The following MAST4 variants were observed in gnomAD, a reference collection of about 807,000 sequenced individuals.
The protein encoded by MAST4 is microtubule associated serine/threonine kinase family member 4.
Under a neutral mutation model 162.7 loss-of-function variants are expected in MAST4, and 89 were observed. That is an observed-to-expected ratio of 0.55 (90% CI 0.46 to 0.65). The LOEUF is 0.65. MAST4 is among the 30% of genes least tolerant of loss of function. The pLI is 0.00. For synonymous variants in MAST4, 1,479 were observed against 1,361.1 expected (o/e 1.09, Z -1.91); for missense variants, 3,153 against 3,374.0 (o/e 0.93, Z 1.62).
At chr5:66,993,078 A>G (rs965950424) in intron 4 of MAST4, among the ~76,000 whole-genome samples, 1 of 152,204 alleles carries the variant, frequency 6.6e-6, no homozygotes, top group African/African-American at 2.4e-5. Context: ...TAAAAACCCA[A>G]TAGTGGCGTT....
At chr5:67,125,501 T>A (rs1768116821) in intron 14 of MAST4, among the ~76,000 whole-genome samples, 1 of 151,922 alleles carries the variant, frequency 6.6e-6, no homozygotes, top group Non-Finnish European at 1.5e-5. Context: ...GAACATGTGG[T>A]ATTTGGTTTT....
intron 2 of MAST4, among the ~76,000 whole-genome samples, chr5:66,775,554 C>T (rs1754560059): frequency 6.6e-6 from 1 of 152,180 alleles, no homozygotes; most frequent in African/African-American, 2.4e-5. Flanking sequence ...ATCTTGGCTT[C>T]AACTTTTCTC....
At chr5:67,131,453 A>G (rs773203598) in intron 15 of MAST4, among the ~76,000 whole-genome samples, 8 of 152,122 alleles carry the variant, frequency 5.3e-5, no homozygotes, top group Non-Finnish European at 8.8e-5. Context: ...CTCAGCTGGT[A>G]AGAGGCAGAG....
At chr5:66,852,921 C>A (rs923779194) in intron 3 of MAST4, among the ~76,000 whole-genome samples, 72 of 152,148 alleles carry the variant, frequency 4.7e-4, no homozygotes, top group African/African-American at 1.7e-3. Context: ...ACTGTAGGAT[C>A]CTGTTTGAAA....
At chr5:66,681,106 C>A (rs1748301634) in intron 1 of MAST4, among the ~76,000 whole-genome samples, 1 of 152,202 alleles carries the variant, frequency 6.6e-6, no homozygotes, top group African/African-American at 2.4e-5. Context: ...ATATGCATAC[C>A]AAAGGTGCTA....
At chr5:66,806,078 A>G (rs921107894) in intron 3 of MAST4, among the ~76,000 whole-genome samples, 2 of 152,150 alleles carry the variant, frequency 1.3e-5, no homozygotes, top group Non-Finnish European at 2.9e-5. Flanking sequence ...TGACTGCACC[A>G]CTTTGCTGGG....
intron 4 of MAST4, among the ~76,000 whole-genome samples, chr5:66,904,022 T>G (rs1302699061): frequency 6.6e-6 from 1 of 152,236 alleles, no homozygotes; most frequent in African/African-American, 2.4e-5. Context: ...GTTGTTTGAT[T>G]TAGATTTTTC....
At chr5:66,684,499 T>C (rs1258987678) in intron 1 of MAST4, among the ~76,000 whole-genome samples, 1 of 152,212 alleles carries the variant, frequency 6.6e-6, no homozygotes, top group Non-Finnish European at 1.5e-5. Context: ...GGTGCCTAAA[T>C]TGCTCTGGAA....
At chr5:67,003,083 C>G (rs1364217445) in intron 4 of MAST4, among the ~76,000 whole-genome samples, 1 of 151,734 alleles carries the variant, frequency 6.6e-6, no homozygotes, top group East Asian at 1.9e-4. Context: ...CAGGGACACT[C>G]TTTTGTGTCA....
At chr5:67,008,594 G>A (rs1444173269) in intron 4 of MAST4, among the ~76,000 whole-genome samples, 2 of 152,166 alleles carry the variant, frequency 1.3e-5, no homozygotes, top group South Asian at 4.1e-4. Context: ...AATCTGTCAT[G>A]TTTTCATTTT....
chr5:67,031,295 G>A (rs959059198), intron 4 of MAST4, among the ~76,000 whole-genome samples: 3 of 152,142 alleles, frequency 2.0e-5, no homozygotes, highest in Non-Finnish European at 4.4e-5. Context: ...TGATGGCAGA[G>A]GAGGGTCGTC....
At chr5:66,775,212 T>C (rs149782864) in intron 2 of MAST4, among the ~76,000 whole-genome samples, 529 of 152,274 alleles carry the variant, frequency 3.5e-3, no homozygotes, top group Non-Finnish European at 6.3e-3. Flanking sequence ...ATGCATTTAA[T>C]GAAATGGCTA....
chr5:66,834,476 T>A (rs939265300), intron 3 of MAST4, among the ~76,000 whole-genome samples: 11 of 152,120 alleles, frequency 7.2e-5, no homozygotes, highest in Non-Finnish European at 1.6e-4. Flanking sequence ...AGGGAGCCCA[T>A]GGATGTTGTC....
intron 1 of MAST4, among the ~76,000 whole-genome samples, chr5:66,694,765 G>C (rs1391808897): frequency 6.6e-6 from 1 of 152,200 alleles, no homozygotes; most frequent in East Asian, 1.9e-4. Context: ...GGTATTACAG[G>C]TGTGAGCCAC....
At chr5:66,986,812 A>T (rs777215480) in intron 4 of MAST4, among the ~76,000 whole-genome samples, 1 of 151,770 alleles carries the variant, frequency 6.6e-6, no homozygotes, top group African/African-American at 2.4e-5. Context: ...GGGTCTCGCT[A>T]TGTTGGTCAG....
chr5:67,148,299 G>C (rs1272315918), intron 23 of MAST4, among the ~76,000 whole-genome samples: 8 of 152,148 alleles, frequency 5.3e-5, no homozygotes, highest in African/African-American at 1.7e-4. Flanking sequence ...TTTCTCTCCT[G>C]GATGGACAAA....
chr5:66,921,643 C>T (rs1297666622), intron 4 of MAST4, among the ~76,000 whole-genome samples: 1 of 152,100 alleles, frequency 6.6e-6, no homozygotes, highest in Non-Finnish European at 1.5e-5. Flanking sequence ...CCTGTAATCC[C>T]AGCTACTCAG....
At chr5:67,035,192 G>T (rs544045794) in intron 4 of MAST4, among the ~76,000 whole-genome samples, 2 of 152,120 alleles carry the variant, frequency 1.3e-5, no homozygotes, top group Non-Finnish European at 2.9e-5. Context: ...GAATGGGCCT[G>T]GCCTGGCTTG....
chr5:66,820,675 T>G (rs996937482), intron 3 of MAST4, among the ~76,000 whole-genome samples: 12 of 152,236 alleles, frequency 7.9e-5, no homozygotes, highest in East Asian at 1.9e-4. Context: ...TAGAGAATAT[T>G]TTCCTGCTGT....
Sources: allele counts gnomAD v4.1 joint callset (sites outside exome capture counted in the v4.1 genomes callset), GRCh38; gene constraint gnomAD v4.1.1; transcripts MANE v1.5; gene names NCBI Gene and HGNC (gene_info 2026-07-23, HGNC 2026-07-21).